Variants in KNDC1 observed in about 807,000 individuals in gnomAD.
KNDC1 encodes the protein kinase non-catalytic C-lobe domain containing 1.
A neutral mutation model predicts 172.8 loss-of-function variants in KNDC1; 106 were observed. The ratio of observed to expected loss-of-function variants is 0.61; its 90% CI spans 0.52 to 0.72. The LOEUF (loss-of-function observed/expected upper bound fraction) is 0.72. Ranked by LOEUF, KNDC1 falls within the 30% of genes least tolerant of loss-of-function variation. The pLI is 0.00. For missense variants in KNDC1, 2,325 were observed against 2,394.5 expected, an observed-to-expected ratio of 0.97 and a Z score of 0.61; for synonymous variants, 1,083 against 1,062.2, an observed-to-expected ratio of 1.02 and a Z score of -0.38.
In KNDC1 at chr10:133,195,553, C is replaced by G. The variant is rs1854165200; in HGVS notation, c.1576-110C>G. ...AGGAGGGGTCTTGAGGAGAGCCCCTCTGTGGGGGCAGTGCCTGGGTGCCCC... is the reference window on the plus strand; with the variant it reads ...AGGAGGGGTCTTGAGGAGAGCCCCTGTGTGGGGGCAGTGCCTGGGTGCCCC... On this transcript the variant is annotated intron_variant, in intron 9 of 29. Transcript: ENST00000304613. 14 of 1,071,490 alleles carry G rather than the reference C, an allele frequency of 1.3e-5. No homozygotes were observed. In the South Asian group the frequency reaches 2.7e-4, roughly 21 times the overall value. 66.4% of individuals were successfully genotyped at this position (1,071,490 alleles called of 1,614,324 possible).
chr10:133,177,688 G>A (rs1240151474), intron 3 of KNDC1, among the ~76,000 whole-genome samples: 2 of 152,118 alleles, frequency 1.3e-5, no homozygotes, highest in African/African-American at 2.4e-5. Flanking sequence ...ATGGGCACAT[G>A]TGTGTAATGT....
At position 133,226,405 on chromosome 10, in the gene KNDC1, C is replaced by G. The variant is rs1822046376; in HGVS notation, c.*1515C>G. 1 of 152,286 alleles carries G rather than the reference C, an allele frequency of 6.6e-6. No homozygotes were observed. The highest frequency in any genetic ancestry group is 1.5e-5 in the Non-Finnish European group (1 of 68,074). The allele number at this position is 152,286 out of a possible 1,614,324, so 9.4% of individuals were successfully genotyped here. A position where few individuals can be genotyped will look rare whatever the true frequency, so the allele number is the denominator to read the frequency against. ...CACCAATTTCTGAATAAAGTCCTTT[C>G]TACCAGCTGCTGCTGTGTGGTCACT... On this transcript the variant is annotated 3_prime_UTR_variant, in exon 30 of 30. Transcript: ENST00000304613.
At chr10:133,212,100 T>C (rs1377077050) in intron 23 of KNDC1, among the ~76,000 whole-genome samples, 1 of 150,756 alleles carries the variant, frequency 6.6e-6, no homozygotes, top group African/African-American at 2.5e-5. Flanking sequence ...CACGTGCACA[T>C]GCGTGCACAC....
chr10:133,180,002 C>T lies in KNDC1; in HGVS notation c.361-3342C>T, dbSNP rs1015423508. Reference sequence around the variant, plus strand: ...CCTCCCTTCCTCTGCCAGACGCCTGCCCGTGGTCCAGCCTCGTCCTGCTGC... The same window carrying T: ...CCTCCCTTCCTCTGCCAGACGCCTGTCCGTGGTCCAGCCTCGTCCTGCTGC... On this transcript the variant is annotated intron_variant, in intron 3 of 29. Transcript: ENST00000304613. 2.0e-5 allele frequency among the ~76,000 whole-genome samples: 3 copies of T among 152,232 alleles called. No homozygotes were observed. In the East Asian group the frequency reaches 5.8e-4, roughly 29 times the overall value.
At position 133,206,730 on chromosome 10, in the gene KNDC1, A is replaced by G. The variant is rs1204036107; in HGVS notation, c.3433A>G (p.Thr1145Ala). 12 of 1,614,100 alleles carry G rather than the reference A, an allele frequency of 7.4e-6. No individual in the cohort carries two copies. The highest frequency in any genetic ancestry group is 9.3e-6 in the Non-Finnish European group (11 of 1,180,036). Residue 1145 changes from threonine (T) to alanine (A), a missense_variant, in exon 18 of 30, where the codon ACC (threonine) becomes GCC (alanine). Coordinates refer to ENST00000304613, the MANE Select transcript of KNDC1 (RefSeq NM_152643.8). ...GATGGAGAAAAGAAACTACCGCAAG[A>G]CCCTGAAGTTCTACCAGAAACTCTT... ...LMMEKRNYRK[T>A]LKFYQKLLQK...
intron 16 of KNDC1, 50 bp from the exon 17 acceptor site, chr10:133,201,451 T>C (rs1049386494): frequency 1.3e-6 from 2 of 1,531,818 alleles, no homozygotes; most frequent in Non-Finnish European, 1.8e-6. Context: ...CTGCCCGGGC[T>C]CCGCCCACAG....
chr10:133,183,967 C>A lies in KNDC1; in HGVS notation c.603C>A (p.Ile201=). 6.3e-7 allele frequency: 1 copy of A among 1,593,338 alleles called. No individual in the cohort carries two copies. The highest frequency in any genetic ancestry group is 8.6e-7 in the Non-Finnish European group (1 of 1,165,362). ...CTGTGGGGAGGAGGGTCCTCTCCAT[C>A]GAGTCCTTCGGAGCGCTGCAGGGTG... is the stretch of plus-strand genomic sequence containing the variant. The part of the protein sequence containing the change: ...LSAVGRRVLS[I]ESFGALQDVS... Residue 201 remains isoleucine, a synonymous_variant, in exon 5 of 30, where the codon ATC becomes ATA. Transcript: ENST00000304613.
chr10:133,205,489 G>A (rs893663675), intron 17 of KNDC1, among the ~76,000 whole-genome samples: 3 of 152,222 alleles, frequency 2.0e-5, no homozygotes, highest in South Asian at 2.1e-4. Flanking sequence ...AATCACACCC[G>A]GGCGTGCACT....
chr10:133,180,528 C>T (rs3810967), intron 3 of KNDC1, among the ~76,000 whole-genome samples: 68,113 of 152,194 alleles, frequency 0.45, 15,736 homozygotes, highest in South Asian at 0.65. Flanking sequence ...GTCTGGATAT[C>T]TTAAAATTAT....
chr10:133,210,082 G>A (rs9418943), intron 20 of KNDC1, among the ~76,000 whole-genome samples: 63,385 of 151,920 alleles, frequency 0.42, 14,161 homozygotes, highest in East Asian at 0.62. Context: ...ATAGGGCTGC[G>A]TTCAGAAAGG....
Position 133,183,478 on chromosome 10 carries a change from G to C in KNDC1, c.495G>C (p.Arg165=), listed in dbSNP as rs1334846709. 2 of 1,602,618 alleles carry C rather than the reference G, an allele frequency of 1.2e-6. No homozygotes were observed. The highest frequency in any genetic ancestry group is 3.4e-5 in the Admixed American group (2 of 58,978). ...SRMQAEDPGD[R]PDLESIIALC... is the part of the protein sequence containing the mutation. ...TGCAGGCGGAGGACCCCGGGGACCG[G>C]CCGGACCTTGAGGTAAGCGAGGCTG... The change falls in exon 4 of 30, where the codon CGG becomes CGC. Residue 165 remains arginine, a synonymous_variant. Coordinates refer to ENST00000304613, the MANE Select transcript of KNDC1 (RefSeq NM_152643.8).
At chr10:133,197,367 G>A (rs1854223274) in intron 11 of KNDC1, among the ~76,000 whole-genome samples, 2 of 152,266 alleles carry the variant, frequency 1.3e-5, no homozygotes, top group Middle Eastern at 6.8e-3. Context: ...TCCCAAGGAC[G>A]GCGGCCCAGC....
intron 17 of KNDC1, among the ~76,000 whole-genome samples, chr10:133,205,291 AG>A (rs1225946625): frequency 6.6e-6 from 1 of 152,166 alleles, no homozygotes; most frequent in African/African-American, 2.4e-5. Context: ...AGTCCCGTCC[AG>A]GGAGGCGCTC....
Position 133,219,979 on chromosome 10 carries a change from T to A in KNDC1, c.4885T>A (p.Cys1629Ser). 2 of 1,552,792 alleles carry A rather than the reference T, an allele frequency of 1.3e-6. No individual in the cohort carries two copies. The highest frequency in any genetic ancestry group is 1.7e-6 in the Non-Finnish European group (2 of 1,147,878). ...GGTCTTCCTGAAGAGCGACAGCCTG[T>A]GTCTGATGGAAGGGCGGCGCTTCCG... ...VEVFLKSDSL[C>S]LMEGRRFRAQ... is the part of the protein sequence containing the mutation. Residue 1629 changes from cysteine to serine, a missense_variant, in exon 29 of 30, where the codon TGT (cysteine) becomes AGT (serine). Physicochemically the swap from Cys to Ser is moderately radical, Grantham distance 112. Coordinates refer to ENST00000304613, the MANE Select transcript of KNDC1 (RefSeq NM_152643.8).
At chr10:133,202,579 C>T in intron 17 of KNDC1, 1 of 456,238 alleles carries the variant, frequency 2.2e-6, no homozygotes, top group South Asian at 1.5e-5. Flanking sequence ...CTCCGGGAAC[C>T]TCTCCTACCA....
rs1433711194 is a variant in KNDC1, at chr10:133,222,029, T to C, written c.5018+1917T>C. ...GGGCGCGGTGGCTCACGCCAGTAAC[T>C]CTAACACTCTGGGAGGCCGAGGCGG... On this transcript the variant is annotated intron_variant, in intron 29 of 29. Transcript: ENST00000304613. 4.4e-3 allele frequency among the ~76,000 whole-genome samples: 585 copies of C among 132,788 alleles called. 33 individuals are homozygous for C. The highest frequency in any genetic ancestry group is 0.015 in the African/African-American group (498 of 34,062). 87.1% of individuals were successfully genotyped at this position (132,788 alleles called of 152,430 possible). A position where few individuals can be genotyped will look rare whatever the true frequency, so the allele number is the denominator to read the frequency against.
intron 17 of KNDC1, among the ~76,000 whole-genome samples, chr10:133,204,701 T>C (rs539287323): frequency 8.5e-4 from 130 of 152,314 alleles, no homozygotes; most frequent in African/African-American, 3.1e-3. Context: ...AAATAAACCC[T>C]GTCAATAGCA....
intron 3 of KNDC1, among the ~76,000 whole-genome samples, chr10:133,182,951 ACAGGCGGTGTG>A (rs1853762711): frequency 1.5e-5 from 2 of 131,056 alleles, no homozygotes; most frequent in Non-Finnish European, 3.3e-5. Flanking sequence ...CGGTGTGGGC[ACAGGCGGTGTG>A]GGCACAGGCG....
rs1415553890 is a variant in KNDC1 at position 133,160,339 on chromosome 10, C to G, written c.-129C>G. On this transcript the variant is annotated 5_prime_UTR_variant, in exon 1 of 30. Coordinates refer to ENST00000304613, the MANE Select transcript of KNDC1 (RefSeq NM_152643.8). Reference sequence around the variant, plus strand: ...TCCCTGACCGCGTCCCCTGGAGACACTGCGGCAGCGGCGGGCGGGCGGGGG... The same window carrying G: ...TCCCTGACCGCGTCCCCTGGAGACAGTGCGGCAGCGGCGGGCGGGCGGGGG... The G allele has an allele frequency of 1.3e-4, 38 of 301,368 alleles. No homozygotes were observed. In the East Asian group the frequency reaches 3.5e-3, roughly 28 times the overall value. The allele number at this position is 301,368 out of a possible 1,614,324, so 18.7% of individuals were successfully genotyped here. A position where few individuals can be genotyped will look rare whatever the true frequency, so the allele number is the denominator to read the frequency against.
Sources: allele counts gnomAD v4.1 joint callset (sites outside exome capture counted in the v4.1 genomes callset), GRCh38; gene constraint gnomAD v4.1.1; transcripts MANE v1.5; gene names NCBI Gene and HGNC (gene_info 2026-07-23, HGNC 2026-07-21).